The following ARB2A variants were observed in gnomAD, a reference collection of about 807,000 sequenced individuals.
The protein encoded by ARB2A is cotranscriptional regulator ARB2A.
the ARB2A span, among the ~76,000 whole-genome samples, chr5:93,626,567 T>C: frequency 4.6e-5 from 7 of 152,024 alleles, no homozygotes; most frequent in African/African-American, 1.7e-4. Context: ...TGAATCACAC[T>C]TTTTTTTGGT....
the ARB2A span, among the ~76,000 whole-genome samples, chr5:93,851,917 A>T: frequency 3.3e-5 from 5 of 152,212 alleles, no homozygotes; most frequent in Non-Finnish European, 5.9e-5. Context: ...TAAACATACA[A>T]GTGCATGTGT....
chr5:93,985,548 C>T, the ARB2A span, among the ~76,000 whole-genome samples: 3 of 152,274 alleles, frequency 2.0e-5, no homozygotes, highest in African/African-American at 4.8e-5. Context: ...CTCAGCCTGC[C>T]GAGTGCCTGG....
At chr5:93,825,196 T>A in the ARB2A span, among the ~76,000 whole-genome samples, 1 of 152,232 alleles carries the variant, frequency 6.6e-6, no homozygotes, top group Non-Finnish European at 1.5e-5. Flanking sequence ...GCAAAGTTTT[T>A]TCACCTTAAA....
At chr5:93,755,425 C>T in the ARB2A span, among the ~76,000 whole-genome samples, 1 of 152,180 alleles carries the variant, frequency 6.6e-6, no homozygotes. Flanking sequence ...GCTCTGGATA[C>T]AGCAGCATGC....
the ARB2A span, among the ~76,000 whole-genome samples, chr5:94,014,610 G>A: frequency 6.6e-6 from 1 of 152,000 alleles, no homozygotes; most frequent in South Asian, 2.1e-4. Flanking sequence ...AGAATTCAAA[G>A]TAGCAGTGTT....
the ARB2A span, among the ~76,000 whole-genome samples, chr5:93,685,625 C>T: frequency 8.4e-4 from 128 of 152,272 alleles, 1 homozygote; most frequent in African/African-American, 3.0e-3. Flanking sequence ...AGTTTGTTCA[C>T]TACAAAATAA....
At chr5:93,945,101 CAT>C in the ARB2A span, among the ~76,000 whole-genome samples, 1 of 152,214 alleles carries the variant, frequency 6.6e-6, no homozygotes, top group South Asian at 2.1e-4. Flanking sequence ...CATAATCTGA[CAT>C]GTGTGGCCAA....
the ARB2A span, among the ~76,000 whole-genome samples, chr5:93,799,709 A>G: frequency 1.3e-5 from 2 of 152,156 alleles, no homozygotes; most frequent in Non-Finnish European, 2.9e-5. Flanking sequence ...AGCGTTGAAT[A>G]TAACAAAAGC....
At chr5:94,078,847 A>T in the ARB2A span, among the ~76,000 whole-genome samples, 15 of 152,162 alleles carry the variant, frequency 9.9e-5, no homozygotes, top group Admixed American at 2.0e-4. Context: ...AAGTAATGGG[A>T]AGAATCATGA....
the ARB2A span, among the ~76,000 whole-genome samples, chr5:94,095,703 A>C: frequency 2.6e-5 from 4 of 152,008 alleles, no homozygotes; most frequent in Non-Finnish European, 5.9e-5. Context: ...TCCTATACAT[A>C]CTTCCATCTA....
the ARB2A span, among the ~76,000 whole-genome samples, chr5:94,045,600 A>C: frequency 6.6e-6 from 1 of 152,210 alleles, no homozygotes. Flanking sequence ...AAAATACACA[A>C]AATTAGGAAC....
the ARB2A span, among the ~76,000 whole-genome samples, chr5:93,685,037 T>C: frequency 1.3e-5 from 2 of 152,222 alleles, no homozygotes; most frequent in African/African-American, 4.8e-5. Context: ...TTCTGTAAAG[T>C]GCCTCATTGT....
At chr5:93,842,851 G>T in the ARB2A span, among the ~76,000 whole-genome samples, 1 of 152,102 alleles carries the variant, frequency 6.6e-6, no homozygotes. Context: ...TTTTGAAATG[G>T]GGCTATCAGA....
At chr5:93,881,734 C>T in the ARB2A span, 1 of 1,323,164 alleles carries the variant, frequency 7.6e-7, no homozygotes, top group Non-Finnish European at 1.0e-6. Flanking sequence ...TCTTATAATC[C>T]ATTTCAATTT....
the ARB2A span, among the ~76,000 whole-genome samples, chr5:94,098,400 A>T: frequency 5.9e-5 from 9 of 152,208 alleles, no homozygotes; most frequent in African/African-American, 1.9e-4. Context: ...TAAATAATCA[A>T]ATTAAGGCAG....
chr5:93,967,981 C>A, the ARB2A span, among the ~76,000 whole-genome samples: 1 of 151,866 alleles, frequency 6.6e-6, no homozygotes, highest in African/African-American at 2.4e-5. Context: ...AGAAAAAAAA[C>A]AAAGACAATA....
At chr5:93,737,571 T>G in the ARB2A span, 2 of 157,776 alleles carry the variant, frequency 1.3e-5, no homozygotes, top group Non-Finnish European at 2.8e-5. Context: ...AGACTCACAC[T>G]TCCCCATTTC....
chr5:93,758,560 G>A, the ARB2A span, among the ~76,000 whole-genome samples: 1 of 151,880 alleles, frequency 6.6e-6, no homozygotes, highest in African/African-American at 2.4e-5. Context: ...AGACCACAGT[G>A]GAATAAAACT....
the ARB2A span, among the ~76,000 whole-genome samples, chr5:94,040,091 GTCTCT>G: frequency 6.6e-6 from 1 of 152,140 alleles, no homozygotes; most frequent in African/African-American, 2.4e-5. Flanking sequence ...GAGGGTTAGA[GTCTCT>G]TCTAAGACTT....
Sources: gnomAD v4.1 joint callset for allele counts (sites outside exome capture counted in the v4.1 genomes callset) on GRCh38, gnomAD v4.1.1 for gene constraint, MANE v1.5 for transcripts, NCBI Gene and HGNC (gene_info 2026-07-23, HGNC 2026-07-21) for gene names.